AFAP1: variants seen among roughly 807,000 people sequenced by gnomAD.
AFAP1 encodes actin filament-associated protein 1.
In AFAP1, 75 loss-of-function variants were observed where a neutral mutation model predicts 93.9. That is an observed-to-expected ratio of 0.80 (90% CI 0.66 to 0.97). The LOEUF (loss-of-function observed/expected upper bound fraction) is 0.97, where lower values mean the gene tolerates loss of function less well. AFAP1 is among the 50% of genes least tolerant of loss of function. The pLI, the probability that AFAP1 is intolerant of heterozygous loss-of-function variation, is 0.00. For missense variants in AFAP1, 1,201 were observed against 1,050.8 expected (o/e 1.14, Z -1.98); for synonymous variants, 517 against 430.7 (o/e 1.20, Z -2.48).
chr4:7,906,933 C>T (rs1482302788), intron 1 of AFAP1, among the ~76,000 whole-genome samples: 2 of 149,704 alleles, frequency 1.3e-5, no homozygotes, highest in African/African-American at 2.5e-5. Flanking sequence ...ACTCGGGAGG[C>T]GGAGGTTGCA....
At chr4:7,909,955 A>C (rs1157497073) in intron 1 of AFAP1, among the ~76,000 whole-genome samples, 1 of 152,224 alleles carries the variant, frequency 6.6e-6, no homozygotes, top group African/African-American at 2.4e-5. Context: ...GGGCTAAAAC[A>C]AATCAGGCTC....
rs77569048 is a variant in AFAP1, at chr4:7,857,549, C to T, written c.226-1975G>A. On this transcript the variant is annotated intron_variant, in intron 3 of 17. Coordinates refer to ENST00000420658, the MANE Select transcript of AFAP1 (RefSeq NM_001134647.2). ...CATCTTAGTGTGGCGTTAGGCTGGA[C>T]CATCTCCAGGTCCTTCATATCTTCC... Among the ~76,000 whole-genome samples the T allele has an allele frequency of 5.8e-3, 883 of 152,280 alleles. 7 individuals carry two copies. The highest frequency in any genetic ancestry group is 0.019 in the African/African-American group (776 of 41,540).
chr4:7,798,226 G>A (rs13132939), intron 10 of AFAP1, among the ~76,000 whole-genome samples: 19,439 of 126,298 alleles, frequency 0.15, 1,562 homozygotes, highest in Non-Finnish European at 0.24. Context: ...CAACTCTATT[G>A]GCTGGCTCAC....
chr4:7,867,416 C>T (rs879455173), intron 3 of AFAP1, among the ~76,000 whole-genome samples: 2 of 152,296 alleles, frequency 1.3e-5, no homozygotes, highest in African/African-American at 4.8e-5. Context: ...GGGAAGCAGG[C>T]GGCCTTCCTC....
intron 1 of AFAP1, among the ~76,000 whole-genome samples, chr4:7,888,119 G>A (rs189531669): frequency 9.8e-5 from 15 of 152,298 alleles, no homozygotes; most frequent in African/African-American, 2.2e-4. Flanking sequence ...GAGCCACCAC[G>A]CCCAGCCCCA....
intron 1 of AFAP1, among the ~76,000 whole-genome samples, chr4:7,931,108 A>C (rs1721039691): frequency 6.6e-6 from 1 of 152,144 alleles, no homozygotes; most frequent in African/African-American, 2.4e-5. Context: ...CAACAGGAGG[A>C]GCGGGGAGGG....
At chr4:7,897,121 C>A (rs1333592618) in intron 1 of AFAP1, among the ~76,000 whole-genome samples, 1 of 152,116 alleles carries the variant, frequency 6.6e-6, no homozygotes, top group Non-Finnish European at 1.5e-5. Context: ...CCTCTACCCT[C>A]AACTCCAAAC....
chr4:7,798,016 C>A (rs755040449), intron 10 of AFAP1, among the ~76,000 whole-genome samples: 1 of 152,182 alleles, frequency 6.6e-6, no homozygotes, highest in Non-Finnish European at 1.5e-5. Flanking sequence ...TTTTCGGTAA[C>A]TCTGAAATTA....
chr4:7,854,952 G>A (rs1714880731), intron 4 of AFAP1, among the ~76,000 whole-genome samples: 1 of 152,206 alleles, frequency 6.6e-6, no homozygotes, highest in South Asian at 2.1e-4. Context: ...ACTGGGGCCA[G>A]GAGAACCAGA....
In AFAP1 at chr4:7,763,386, T is replaced by A. The variant is rs1389389150; in HGVS notation, c.*379A>T. The A allele has an allele frequency of 9.3e-6, 2 of 214,864 alleles. No homozygotes were observed. The highest frequency in any genetic ancestry group is 1.8e-5 in the Non-Finnish European group (2 of 108,570). 13.3% of individuals were successfully genotyped at this position (214,864 alleles called of 1,614,324 possible). On this transcript the variant is annotated 3_prime_UTR_variant, in exon 18 of 18. Transcript: ENST00000420658. ...GGGATCCAAGCTCTTCCCTGTCGAA[T>A]CCAGGTTTTCATCTGGGGGCTCATG...
At chr4:7,898,123 C>T (rs1021889988) in intron 1 of AFAP1, among the ~76,000 whole-genome samples, 9 of 152,156 alleles carry the variant, frequency 5.9e-5, no homozygotes, top group African/African-American at 1.9e-4. Flanking sequence ...GAAAAGCCTC[C>T]CAATCACCGG....
At chr4:7,818,693 C>T (rs112297318) in intron 7 of AFAP1, among the ~76,000 whole-genome samples, 1,726 of 152,296 alleles carry the variant, frequency 0.011, 33 homozygotes, top group African/African-American at 0.04. Flanking sequence ...CAAAGGGAGA[C>T]AGAGACACAT....
chr4:7,831,140 C>T (rs569735663), intron 6 of AFAP1, among the ~76,000 whole-genome samples: 8 of 152,256 alleles, frequency 5.3e-5, no homozygotes, highest in Admixed American at 3.9e-4. Flanking sequence ...GATCTAATGA[C>T]AGTATCTGGA....
At chr4:7,864,164 C>CACATT (rs1314891559) in intron 3 of AFAP1, among the ~76,000 whole-genome samples, 283 of 151,968 alleles carry the variant, frequency 1.9e-3, no homozygotes, top group African/African-American at 2.3e-3. Flanking sequence ...CTCATCACAA[C>CACATT]CCACAGGTCC....
At chr4:7,793,076 A>G (rs1386439260) in intron 11 of AFAP1, among the ~76,000 whole-genome samples, 1 of 152,204 alleles carries the variant, frequency 6.6e-6, no homozygotes, top group Non-Finnish European at 1.5e-5. Flanking sequence ...GGACCATACC[A>G]AGAACTGCTG....
intron 1 of AFAP1, among the ~76,000 whole-genome samples, chr4:7,912,592 T>G (rs1719797310): frequency 6.6e-6 from 1 of 152,262 alleles, no homozygotes; most frequent in Non-Finnish European, 1.5e-5. Flanking sequence ...CTGAAATGTC[T>G]CTTCATGTCT....
At chr4:7,915,326 A>T (rs13139805) in intron 1 of AFAP1, among the ~76,000 whole-genome samples, 1 of 151,400 alleles carries the variant, frequency 6.6e-6, no homozygotes, top group African/African-American at 2.4e-5. Context: ...TTTTTTCCAC[A>T]TATTTTTTGG....
At chr4:7,839,422 A>AT (rs1162438149) in intron 5 of AFAP1, among the ~76,000 whole-genome samples, 1 of 151,906 alleles carries the variant, frequency 6.6e-6, no homozygotes, top group African/African-American at 2.4e-5. Flanking sequence ...GTATATATAA[A>AT]ATACATTTAT....
rs1275080248 is a variant in AFAP1 at position 7,868,627 on chromosome 4, A to T, written c.220T>A (p.Trp74Arg). 1 of 1,611,322 alleles carries T rather than the reference A, an allele frequency of 6.2e-7. No homozygotes were observed. Among genetic ancestry groups the T allele is most frequent in the African/African-American group, 1.3e-5 (1 of 74,862 alleles). Residue 74 changes from tryptophan to arginine, a missense_variant, in exon 3 of 18, where the codon TGG becomes AGG. Trp to Arg is a moderately radical substitution (Grantham distance 101). Coordinates refer to ENST00000420658, the MANE Select transcript of AFAP1 (RefSeq NM_001134647.2). ...ATGGTGGGACCTTGACTCACCAGCC[A>T]GGGCTGAGGGATCTCCGGCAGGGGC... ...QMPLPEIPQP[W>R]LPPDSGPPPL...
Sources: allele counts gnomAD v4.1 joint callset (sites outside exome capture counted in the v4.1 genomes callset), GRCh38; gene constraint gnomAD v4.1.1; transcripts MANE v1.5; gene names NCBI Gene and HGNC (gene_info 2026-07-23, HGNC 2026-07-21).